Variants in PIAS2 observed in about 807,000 individuals in gnomAD.
The protein encoded by PIAS2 is protein inhibitor of activated STAT 2.
Under a neutral mutation model 69.7 loss-of-function variants are expected in PIAS2, and 19 were observed. The ratio of observed to expected loss-of-function variants is 0.27; its 90% CI spans 0.19 to 0.40. The LOEUF (loss-of-function observed/expected upper bound fraction) is 0.40, where lower values mean the gene tolerates loss of function less well. Ranked by LOEUF, PIAS2 falls within the 10% of genes least tolerant of loss-of-function variation. PIAS2 has a pLI of 1.00. For synonymous variants in PIAS2, 261 were observed against 263.2 expected (o/e 0.99, Z 0.08); for missense variants, 624 against 757.0 (o/e 0.82, Z 2.06).
At chr18:46,818,946 C>G (rs1053798146) in intron 12 of PIAS2, among the ~76,000 whole-genome samples, 11 of 152,044 alleles carry the variant, frequency 7.2e-5, no homozygotes, top group African/African-American at 2.7e-4. Flanking sequence ...CTCAAGTTTG[C>G]ACATTTCTAA....
Position 46,807,868 on chromosome 18 carries a change from A to G in PIAS2, c.*4565T>C, listed in dbSNP as rs1599209744. The G allele has an allele frequency of 6.6e-6, 1 of 152,192 alleles. No individual in the cohort carries two copies. Among genetic ancestry groups the G allele is most frequent in the East Asian group, 1.9e-4 (1 of 5,196 alleles). The allele number at this position is 152,192 out of a possible 1,614,324, so 9.4% of individuals were successfully genotyped here. A position where few individuals can be genotyped will look rare whatever the true frequency, so the allele number is the denominator to read the frequency against. The stretch of plus-strand genomic sequence containing the variant: ...AAAATATGGCTAGACCACCCTTCCC[A>G]TACCATCTAGCTGCAGTATAAATTA... On this transcript the variant is annotated 3_prime_UTR_variant, in exon 14 of 14. Transcript: ENST00000585916.
rs1415015456 is a variant in PIAS2 at position 46,808,636 on chromosome 18, C to A, written c.*3797G>T. On this transcript the variant is annotated 3_prime_UTR_variant, in exon 14 of 14. Coordinates refer to ENST00000585916, the MANE Select transcript of PIAS2 (RefSeq NM_004671.5). ...CTTAAGGCTCCCAAATCACATGAACCTAGGACCACTAAATCCAATGTCAGA... is the reference window on the plus strand; with the variant it reads ...CTTAAGGCTCCCAAATCACATGAACATAGGACCACTAAATCCAATGTCAGA... 1.3e-5 allele frequency: 2 copies of A among 152,110 alleles called. No individual in the cohort carries two copies. Among genetic ancestry groups the A allele is most frequent in the Non-Finnish European group, 2.9e-5 (2 of 68,006 alleles). 9.4% of individuals were successfully genotyped at this position (152,110 alleles called of 1,614,324 possible). A position where few individuals can be genotyped will look rare whatever the true frequency, so the allele number is the denominator to read the frequency against.
intron 3 of PIAS2, among the ~76,000 whole-genome samples, chr18:46,858,750 C>T (rs1233515194): frequency 6.6e-6 from 1 of 152,066 alleles, no homozygotes; most frequent in Non-Finnish European, 1.5e-5. Flanking sequence ...AACATAAATA[C>T]CACTGAGTGA....
rs192191064 is a variant in PIAS2, at chr18:46,912,995, T to G, written c.24+4327A>C. ...CCACTGCGCCCAGCCTATTTCACTT[T>G]AAGTTAAATATATTTTGTTTCGAAC... On this transcript the variant is annotated intron_variant, in intron 1 of 13. Coordinates refer to ENST00000585916, the MANE Select transcript of PIAS2 (RefSeq NM_004671.5). Among the ~76,000 whole-genome samples, 28 of 152,346 alleles carry G rather than the reference T, an allele frequency of 1.8e-4. No individual in the cohort carries two copies. The East Asian group carries it at 5.0e-3, about 27-fold the overall frequency.
chr18:46,822,686 A>G (rs1470805433), intron 11 of PIAS2, among the ~76,000 whole-genome samples: 4 of 152,156 alleles, frequency 2.6e-5, no homozygotes, highest in African/African-American at 4.8e-5. Context: ...GACATCATCA[A>G]AAGTTTTTCA....
chr18:46,866,364 A>AT (rs1422360389), intron 2 of PIAS2, among the ~76,000 whole-genome samples: 1 of 152,226 alleles, frequency 6.6e-6, no homozygotes, highest in African/African-American at 2.4e-5. Context: ...ATCCGAAGCA[A>AT]TATAGGCCAG....
At chr18:46,894,794 G>A (rs1212366741) in intron 1 of PIAS2, among the ~76,000 whole-genome samples, 1 of 152,128 alleles carries the variant, frequency 6.6e-6, no homozygotes, top group Non-Finnish European at 1.5e-5. Context: ...CATTAGGCTG[G>A]GCGCGGTGGC....
intron 2 of PIAS2, among the ~76,000 whole-genome samples, chr18:46,887,627 A>G (rs1332220213): frequency 6.6e-6 from 1 of 152,230 alleles, no homozygotes; most frequent in Non-Finnish European, 1.5e-5. Flanking sequence ...AATAAAAGCT[A>G]AAAAACTGCA....
intron 1 of PIAS2, among the ~76,000 whole-genome samples, chr18:46,896,228 G>A (rs1166150093): frequency 2.1e-5 from 3 of 145,772 alleles, no homozygotes; most frequent in Non-Finnish European, 4.5e-5. Flanking sequence ...TCCACAAAAG[G>A]GAAAGTAAAC....
At chr18:46,863,630 A>G (rs751734468) in intron 3 of PIAS2, among the ~76,000 whole-genome samples, 8 of 152,228 alleles carry the variant, frequency 5.3e-5, no homozygotes, top group Non-Finnish European at 1.0e-4. Flanking sequence ...ATTGCCAAAT[A>G]TAACAAAAAG....
At chr18:46,909,029 A>G (rs759582411) in intron 1 of PIAS2, among the ~76,000 whole-genome samples, 3 of 152,156 alleles carry the variant, frequency 2.0e-5, no homozygotes, top group Non-Finnish European at 4.4e-5. Flanking sequence ...AATAAAAATG[A>G]TTTAAAAGTG....
At chr18:46,882,869 T>C (rs1014625214) in intron 2 of PIAS2, among the ~76,000 whole-genome samples, 12 of 152,036 alleles carry the variant, frequency 7.9e-5, no homozygotes, top group African/African-American at 1.9e-4. Context: ...CCAGACACTC[T>C]GCAGTTGGAA....
intron 2 of PIAS2, among the ~76,000 whole-genome samples, chr18:46,878,112 T>C (rs964818568): frequency 2.0e-5 from 3 of 152,200 alleles, no homozygotes; most frequent in Admixed American, 6.5e-5. Context: ...GACCAGAATA[T>C]AACAGTCCTA....
At chr18:46,888,568 C>T (rs1381179234) in intron 2 of PIAS2, among the ~76,000 whole-genome samples, 1 of 150,758 alleles carries the variant, frequency 6.6e-6, no homozygotes, top group Non-Finnish European at 1.5e-5. Flanking sequence ...AATAAATCAA[C>T]AGTCACAACC....
At chr18:46,917,093 G>T in intron 1 of PIAS2, 1 of 989,300 alleles carries the variant, frequency 1.0e-6, no homozygotes, top group Non-Finnish European at 1.2e-6. Flanking sequence ...CAGCACTCAG[G>T]AGCCGGCTCG....
intron 1 of PIAS2, among the ~76,000 whole-genome samples, chr18:46,899,725 T>TA (rs1161471777): frequency 1.3e-5 from 2 of 152,172 alleles, no homozygotes; most frequent in Non-Finnish European, 2.9e-5. Context: ...CCTTGGCCTC[T>TA]AAAAGTGCAT....
At position 46,855,384 on chromosome 18, in the gene PIAS2, A is replaced by G; in HGVS notation, c.687T>C (p.Ser229=). ...GCTTCCCATTTACTTTTATACATAG[A>G]CTATTTGGATAGTTATCTTCTTGAG... ...SCPQEDNYPN[S]LCIKVNGKLF... Residue 229 remains serine (S), a synonymous_variant, in exon 5 of 14, where the codon AGT becomes AGC. Coordinates refer to ENST00000585916, the MANE Select transcript of PIAS2 (RefSeq NM_004671.5). 6.2e-7 allele frequency: 1 copy of G among 1,612,628 alleles called. No individual in the cohort carries two copies. Among genetic ancestry groups the G allele is most frequent in the Non-Finnish European group, 8.5e-7 (1 of 1,179,434 alleles).
chr18:46,860,212 A>G (rs1401369291), intron 3 of PIAS2, among the ~76,000 whole-genome samples: 2 of 152,168 alleles, frequency 1.3e-5, no homozygotes, highest in Non-Finnish European at 2.9e-5. Flanking sequence ...TTCTAATTTA[A>G]CTGATGTGGG....
chr18:46,817,710 T>TA (rs1272740795), intron 12 of PIAS2: 1 of 944,020 alleles, frequency 1.1e-6, no homozygotes, highest in Non-Finnish European at 1.3e-6. Context: ...GCTGTCTATA[T>TA]AAAACCTGTT....
Sources: allele counts gnomAD v4.1 joint callset (sites outside exome capture counted in the v4.1 genomes callset), GRCh38; gene constraint gnomAD v4.1.1; transcripts MANE v1.5; gene names NCBI Gene and HGNC (gene_info 2026-07-23, HGNC 2026-07-21).